Variants in BABAM2 observed in about 807,000 individuals in gnomAD.
BABAM2 encodes the protein BRISC and BRCA1 A complex member 2, also known as BRISC and BRCA1-A complex member 2.
BABAM2 carries 31 observed loss-of-function variants against 54.7 expected under a neutral mutation model. That is an observed-to-expected ratio of 0.57 (90% CI 0.43 to 0.77). The LOEUF (loss-of-function observed/expected upper bound fraction) is 0.77. Ranked by LOEUF, BABAM2 falls within the 30% of genes least tolerant of loss-of-function variation. The pLI is 0.00. For synonymous variants in BABAM2, 167 were observed against 162.9 expected (o/e 1.03, Z -0.19); for missense variants, 364 against 455.8 (o/e 0.80, Z 1.83).
intron 7 of BABAM2, among the ~76,000 whole-genome samples, chr2:28,168,976 G>A (rs945285062): frequency 6.6e-6 from 1 of 152,178 alleles, no homozygotes; most frequent in Non-Finnish European, 1.5e-5. Flanking sequence ...CTCTTCTCCT[G>A]TGATCAGCTT....
At chr2:27,894,932 G>A in intron 2 of BABAM2, 1 of 447,614 alleles carries the variant, frequency 2.2e-6, no homozygotes, top group Middle Eastern at 5.9e-4. Context: ...TTTTTTCTTT[G>A]TGAAGAGCAT....
chr2:28,096,938 G>A (rs1666683392), intron 6 of BABAM2, among the ~76,000 whole-genome samples: 1 of 152,116 alleles, frequency 6.6e-6, no homozygotes, highest in African/African-American at 2.4e-5. Context: ...CCAACTTACA[G>A]GATTCCCAAC....
At chr2:28,231,365 C>T (rs945084395) in intron 7 of BABAM2, among the ~76,000 whole-genome samples, 9 of 152,050 alleles carry the variant, frequency 5.9e-5, no homozygotes, top group African/African-American at 2.2e-4. Flanking sequence ...TCGTTGGTAC[C>T]CTAGTCGTGT....
Position 27,914,027 on chromosome 2 carries a change from A to G in BABAM2, c.129-15805A>G, listed in dbSNP as rs141618059. ...GAATTCATTTCTTATTAAAAACTTAATAAAGAACTAGTGTTAGCTTTAGTA... is the reference window on the plus strand; with the variant it reads ...GAATTCATTTCTTATTAAAAACTTAGTAAAGAACTAGTGTTAGCTTTAGTA... On this transcript the variant is annotated intron_variant, in intron 2 of 11. Coordinates refer to ENST00000379624, the MANE Select transcript of BABAM2 (RefSeq NM_199191.3). 1.5e-3 allele frequency among the ~76,000 whole-genome samples: 234 copies of G among 152,352 alleles called. 2 individuals are homozygous for G. Among genetic ancestry groups the G allele is most frequent in the African/African-American group, 5.6e-3 (231 of 41,586 alleles).
At chr2:27,925,171 A>G (rs946852778) in intron 2 of BABAM2, among the ~76,000 whole-genome samples, 3 of 152,184 alleles carry the variant, frequency 2.0e-5, no homozygotes, top group Non-Finnish European at 2.9e-5. Context: ...GATCTTTCCA[A>G]TATCATAAAA....
intron 6 of BABAM2, among the ~76,000 whole-genome samples, chr2:28,086,605 AAT>A (rs1292506187): frequency 6.6e-6 from 1 of 152,162 alleles, no homozygotes; most frequent in Non-Finnish European, 1.5e-5. Flanking sequence ...AGAATATTGA[AAT>A]ATGTTTTCAA....
intron 7 of BABAM2, among the ~76,000 whole-genome samples, chr2:28,181,369 C>G (rs1573771144): frequency 6.6e-6 from 1 of 152,068 alleles, no homozygotes; most frequent in East Asian, 1.9e-4. Flanking sequence ...ACAAGCTAGG[C>G]ACAGAAAGAC....
intron 3 of BABAM2, among the ~76,000 whole-genome samples, chr2:27,932,673 A>G (rs149951952): frequency 6.6e-6 from 1 of 152,286 alleles, no homozygotes; most frequent in Non-Finnish European, 1.5e-5. Flanking sequence ...GGGTACGTAT[A>G]TAGACTATTC....
chr2:28,270,079 A>G (rs1283588852), intron 10 of BABAM2, among the ~76,000 whole-genome samples: 1 of 152,196 alleles, frequency 6.6e-6, no homozygotes, highest in Non-Finnish European at 1.5e-5. Context: ...CTGTTGGGCC[A>G]AACACTGTAT....
At chr2:28,253,997 A>G (rs751780178) in intron 10 of BABAM2, among the ~76,000 whole-genome samples, 16 of 152,240 alleles carry the variant, frequency 1.1e-4, no homozygotes, top group Non-Finnish European at 2.1e-4. Context: ...GCTACTGATT[A>G]CCAAAAACGT....
At chr2:28,140,121 C>A (rs1454551133) in intron 7 of BABAM2, among the ~76,000 whole-genome samples, 5 of 152,112 alleles carry the variant, frequency 3.3e-5, no homozygotes, top group Non-Finnish European at 7.3e-5. Context: ...CTACCTATAT[C>A]TCTTCCATCT....
chr2:28,029,394 A>G (rs1676132229), intron 5 of BABAM2, among the ~76,000 whole-genome samples: 2 of 152,066 alleles, frequency 1.3e-5, no homozygotes, highest in South Asian at 2.1e-4. Context: ...TCACTTTACT[A>G]TTTTATGTTT....
chr2:28,278,734 C>T (rs757512905), intron 10 of BABAM2, among the ~76,000 whole-genome samples: 42 of 152,084 alleles, frequency 2.8e-4, no homozygotes, highest in Non-Finnish European at 5.1e-4. Context: ...CAGCAGCTGG[C>T]GATGGGCTGA....
At chr2:28,274,439 G>GT (rs972181503) in intron 10 of BABAM2, among the ~76,000 whole-genome samples, 4 of 152,176 alleles carry the variant, frequency 2.6e-5, no homozygotes, top group Admixed American at 2.6e-4. Flanking sequence ...GTTTTGTTTT[G>GT]TTTTTTGAGA....
At chr2:28,204,320 G>A (rs1678595217) in intron 7 of BABAM2, among the ~76,000 whole-genome samples, 1 of 152,178 alleles carries the variant, frequency 6.6e-6, no homozygotes, top group Non-Finnish European at 1.5e-5. Context: ...GCTAGAGGCT[G>A]GCAGTAGATG....
intron 7 of BABAM2, among the ~76,000 whole-genome samples, chr2:28,185,269 G>A (rs1203058186): frequency 6.6e-6 from 1 of 152,062 alleles, no homozygotes; most frequent in Non-Finnish European, 1.5e-5. Context: ...TCAGACAGCC[G>A]TACACCTGAA....
intron 6 of BABAM2, among the ~76,000 whole-genome samples, chr2:28,087,677 C>A (rs1573551684): frequency 6.6e-6 from 1 of 151,042 alleles, no homozygotes; most frequent in African/African-American, 2.4e-5. Flanking sequence ...TTGACAGAGT[C>A]TCGCTCTGTC....
At chr2:27,924,851 G>A (rs1341277025) in intron 2 of BABAM2, among the ~76,000 whole-genome samples, 2 of 152,170 alleles carry the variant, frequency 1.3e-5, no homozygotes, top group Non-Finnish European at 2.9e-5. Context: ...GCACTGGCTT[G>A]TTTCCTATAC....
intron 4 of BABAM2, among the ~76,000 whole-genome samples, chr2:28,012,945 G>A (rs1212614383): frequency 2.6e-5 from 4 of 152,110 alleles, no homozygotes; most frequent in South Asian, 2.1e-4. Flanking sequence ...ATCCATCCCC[G>A]ATTCTTAAGA....
Sources: allele counts gnomAD v4.1 joint callset (sites outside exome capture counted in the v4.1 genomes callset), GRCh38; gene constraint gnomAD v4.1.1; transcripts MANE v1.5; gene names NCBI Gene and HGNC (gene_info 2026-07-23, HGNC 2026-07-21).